CFAP70: variants seen among roughly 807,000 people sequenced by gnomAD.
CFAP70 encodes cilia- and flagella-associated protein 70.
A neutral mutation model predicts 137.6 loss-of-function variants in CFAP70; 81 were observed. The observed-to-expected ratio is 0.59, with a 90% CI of 0.49 to 0.71. The LOEUF (loss-of-function observed/expected upper bound fraction) is 0.71. CFAP70 is among the 30% of genes least tolerant of loss of function. CFAP70 has a pLI of 0.00. For missense variants in CFAP70, 976 were observed against 1,226.7 expected (o/e 0.80, Z 3.05); for synonymous variants, 382 against 423.6 (o/e 0.90, Z 1.20).
chr10:73,259,461 C>T (rs565015325), intron 25 of CFAP70, among the ~76,000 whole-genome samples: 3 of 152,236 alleles, frequency 2.0e-5, no homozygotes, highest in African/African-American at 7.2e-5. Flanking sequence ...GCCCCTCCCC[C>T]TCCTTTGTTT....
Position 73,275,697 on chromosome 10 carries a change from A to G in CFAP70, c.2521-99T>C. On this transcript the variant is annotated intron_variant, in intron 21 of 26. Coordinates refer to ENST00000310715, the Ensembl canonical transcript of CFAP70. This position sits in a 1 kb window ranked among gnomAD's most constrained non-coding sequence, Gnocchi z 4.0. Reference sequence around the variant, plus strand: ...TCTGATAATAAATAATACGAAATGTATTACAGAATGAAATAATTATCCTCA... The same window carrying G: ...TCTGATAATAAATAATACGAAATGTGTTACAGAATGAAATAATTATCCTCA... 9.4e-7 allele frequency: 1 copy of G among 1,063,530 alleles called. No individual in the cohort carries two copies. The allele number at this position is 1,063,530 out of a possible 1,614,324, so 65.9% of individuals were successfully genotyped here. A position where few individuals can be genotyped will look rare whatever the true frequency, so the allele number is the denominator to read the frequency against.
At chr10:73,283,535 GA>G (rs2047420693) in intron 19 of CFAP70, among the ~76,000 whole-genome samples, 2 of 152,124 alleles carry the variant, frequency 1.3e-5, no homozygotes, top group Admixed American at 1.3e-4. Context: ...AACACACTTA[GA>G]ACTGGTATGT....
intron 19 of CFAP70, among the ~76,000 whole-genome samples, chr10:73,284,739 C>CCTAT (rs2047523518): frequency 1.1e-4 from 3 of 27,502 alleles, no homozygotes; most frequent in East Asian, 2.9e-3. Context: ...TGACCTGCCA[C>CCTAT]ATATATATAT....
chr10:73,322,376 A>G (rs1379361844), intron 9 of CFAP70, among the ~76,000 whole-genome samples: 1 of 152,116 alleles, frequency 6.6e-6, no homozygotes, highest in Non-Finnish European at 1.5e-5. Context: ...AAATGTAATT[A>G]TATAAAATGT....
At chr10:73,339,429 C>T (rs2053030205) in intron 6 of CFAP70, among the ~76,000 whole-genome samples, 1 of 152,164 alleles carries the variant, frequency 6.6e-6, no homozygotes, top group African/African-American at 2.4e-5. Context: ...TCACAGAATC[C>T]TTGGTCTGTT....
intron 12 of CFAP70, among the ~76,000 whole-genome samples, chr10:73,307,881 A>T (rs2049522429): frequency 6.7e-6 from 1 of 149,680 alleles, no homozygotes; most frequent in Non-Finnish European, 1.5e-5. Flanking sequence ...ATGGTGGTTC[A>T]TGCCTGTAAT....
At chr10:73,301,046 C>A (rs1457819197) in intron 12 of CFAP70, among the ~76,000 whole-genome samples, 1 of 152,074 alleles carries the variant, frequency 6.6e-6, no homozygotes, top group Non-Finnish European at 1.5e-5. Context: ...AGTAATATGT[C>A]CCATAGAGAA....
intron 12 of CFAP70, among the ~76,000 whole-genome samples, chr10:73,302,247 G>T (rs898242282): frequency 6.6e-6 from 1 of 152,156 alleles, no homozygotes; most frequent in African/African-American, 2.4e-5. Flanking sequence ...ACTGAGCTCT[G>T]GGGGACTCCA....
exon 20 of CFAP70, chr10:73,278,201 G>C: frequency 1.2e-6 from 2 of 1,613,848 alleles, no homozygotes; most frequent in Non-Finnish European, 1.7e-6. Context: ...GTATCTCCTT[G>C]ATAAATGTGT....
At chr10:73,278,049 T>C in intron 20 of CFAP70, 130 bp downstream of exon 21, 2 of 841,530 alleles carry the variant, frequency 2.4e-6, no homozygotes, top group Non-Finnish European at 1.9e-6. Flanking sequence ...AGTTACACCA[T>C]TGAGTTTGGA....
At chr10:73,331,224 C>T (rs757269044) in exon 8 of CFAP70, 2 of 1,613,636 alleles carry the variant, frequency 1.2e-6, no homozygotes, top group Non-Finnish European at 8.5e-7. Flanking sequence ...ACCAGAGGAA[C>T]TCTTGTGATC....
At chr10:73,323,176 A>G in intron 8 of CFAP70, 79 bp from the exon 10 acceptor site, 1 of 1,361,554 alleles carries the variant, frequency 7.3e-7, no homozygotes, top group Non-Finnish European at 9.7e-7. Context: ...CAGCAGTTCA[A>G]AGGCCTGGTT....
intron 3 of CFAP70, among the ~76,000 whole-genome samples, chr10:73,352,970 C>T (rs1264361389): frequency 1.3e-5 from 2 of 152,138 alleles, no homozygotes; most frequent in Admixed American, 6.5e-5. Flanking sequence ...TTGATTGTTA[C>T]ATTTTGGCAG....
intron 19 of CFAP70, among the ~76,000 whole-genome samples, chr10:73,289,971 G>A (rs2048044295): frequency 6.6e-6 from 1 of 150,452 alleles, no homozygotes; most frequent in East Asian, 2.1e-4. Context: ...CTTGAACCTG[G>A]GAGGCAGAGG....
intron 19 of CFAP70, among the ~76,000 whole-genome samples, chr10:73,281,321 A>G (rs1284481759): frequency 6.7e-6 from 1 of 150,306 alleles, no homozygotes; most frequent in East Asian, 1.9e-4. Flanking sequence ...AGTAGCCGGG[A>G]CTACAGACAT....
intron 25 of CFAP70, among the ~76,000 whole-genome samples, chr10:73,257,757 G>T (rs535443535): frequency 6.6e-6 from 1 of 152,058 alleles, no homozygotes; most frequent in East Asian, 1.9e-4. Context: ...GGAGGCAGAG[G>T]CCCAAATGAT....
intron 9 of CFAP70, among the ~76,000 whole-genome samples, chr10:73,322,494 T>C (rs2050953360): frequency 6.6e-6 from 1 of 151,520 alleles, no homozygotes; most frequent in African/African-American, 2.4e-5. Context: ...GGAGGATCCC[T>C]TGAGCCCAGG....
intron 12 of CFAP70, among the ~76,000 whole-genome samples, chr10:73,307,649 A>G (rs1266738452): frequency 6.6e-6 from 1 of 152,210 alleles, no homozygotes; most frequent in Non-Finnish European, 1.5e-5. Flanking sequence ...AAGGTTAAAT[A>G]CAGCAATAAA....
intron 12 of CFAP70, among the ~76,000 whole-genome samples, chr10:73,302,883 CTTT>C (rs1554895440): frequency 4.6e-5 from 6 of 130,942 alleles, no homozygotes; most frequent in Admixed American, 7.6e-5. Context: ...CTTTTCTTTT[CTTT>C]TTTTTTTTTT....
Sources: gnomAD v4.1 joint callset for allele counts (sites outside exome capture counted in the v4.1 genomes callset) on GRCh38, gnomAD v4.1.1 for gene constraint, Gnocchi (gnomAD v3.1) non-coding constraint, MANE v1.5 for transcripts, NCBI Gene and HGNC (gene_info 2026-07-23, HGNC 2026-07-21) for gene names.